PIK3C2G: variants seen among roughly 807,000 people sequenced by gnomAD.
PIK3C2G encodes the protein phosphatidylinositol-4-phosphate 3-kinase catalytic subunit type 2 gamma, also known as phosphatidylinositol 3-kinase C2 domain-containing subunit gamma.
PIK3C2G carries 168 observed loss-of-function variants against 181.1 expected under a neutral mutation model. The ratio of observed to expected loss-of-function variants is 0.93; its 90% CI spans 0.82 to 1.05. The LOEUF is 1.05. Ranked by LOEUF, PIK3C2G falls within the 50% of genes least tolerant of loss-of-function variation. PIK3C2G has a pLI of 0.00. For synonymous variants in PIK3C2G, 573 were observed against 592.2 expected (o/e 0.97, Z 0.47); for missense variants, 1,869 against 1,732.8 (o/e 1.08, Z -1.40).
At chr12:18,276,917 T>A (rs369286164) in intron 1 of PIK3C2G, among the ~76,000 whole-genome samples, 7 of 152,192 alleles carry the variant, frequency 4.6e-5, no homozygotes, top group African/African-American at 1.7e-4. Flanking sequence ...GGCAGTTTAA[T>A]GGGAAGTGAA....
At chr12:18,709,411 T>G in the PIK3C2G span, among the ~76,000 whole-genome samples, 10 of 152,316 alleles carry the variant, frequency 6.6e-5, no homozygotes, top group African/African-American at 2.4e-4. Flanking sequence ...GCTGTATTGA[T>G]TACTATAGCT....
chr12:18,634,224 G>A (rs1949489615), intron 31 of PIK3C2G, among the ~76,000 whole-genome samples: 1 of 152,148 alleles, frequency 6.6e-6, no homozygotes, highest in Non-Finnish European at 1.5e-5. Context: ...TTGCTGTGAT[G>A]TGAGTCCCAT....
At chr12:18,684,075 A>G in the PIK3C2G span, 1 of 1,584,800 alleles carries the variant, frequency 6.3e-7, no homozygotes, top group Non-Finnish European at 8.6e-7. Context: ...TGTCTTTGAT[A>G]TACACAAGTT....
chr12:18,438,595 T>C (rs1565723055), intron 18 of PIK3C2G, among the ~76,000 whole-genome samples: 1 of 151,918 alleles, frequency 6.6e-6, no homozygotes, highest in Non-Finnish European at 1.5e-5. Context: ...TACTCAGAGA[T>C]GCTAGGTATA....
intron 26 of PIK3C2G, among the ~76,000 whole-genome samples, chr12:18,552,776 GAT>G (rs1215099464): frequency 1.3e-5 from 2 of 152,178 alleles, no homozygotes; most frequent in African/African-American, 4.8e-5. Flanking sequence ...TATGATGTTT[GAT>G]AGTGTGCTTG....
At chr12:18,351,862 T>C (rs1159136319) in intron 11 of PIK3C2G, among the ~76,000 whole-genome samples, 1 of 152,182 alleles carries the variant, frequency 6.6e-6, no homozygotes, top group South Asian at 2.1e-4. Flanking sequence ...GACAACCACC[T>C]ACAGTCTTCA....
At chr12:18,688,691 GGGT>G in the PIK3C2G span, among the ~76,000 whole-genome samples, 1 of 151,796 alleles carries the variant, frequency 6.6e-6, no homozygotes, top group Non-Finnish European at 1.5e-5. Context: ...ATTAGGGACT[GGGT>G]ATCAAAAAAA....
chr12:18,531,911 G>A (rs1031113389), intron 24 of PIK3C2G, among the ~76,000 whole-genome samples: 1 of 152,130 alleles, frequency 6.6e-6, no homozygotes, highest in Non-Finnish European at 1.5e-5. Context: ...TTTCTGGGTT[G>A]TATGGTAGTT....
intron 24 of PIK3C2G, among the ~76,000 whole-genome samples, chr12:18,510,576 G>T (rs564825414): frequency 1.3e-5 from 2 of 151,982 alleles, no homozygotes; most frequent in South Asian, 2.1e-4. Flanking sequence ...ATGGCCTTTC[G>T]CTTTGCTGAT....
intron 32 of PIK3C2G, among the ~76,000 whole-genome samples, chr12:18,645,906 T>G (rs1446675892): frequency 6.6e-6 from 1 of 152,180 alleles, no homozygotes; most frequent in Non-Finnish European, 1.5e-5. Context: ...AGTCACACTT[T>G]GAGGGTTCCT....
chr12:18,310,999 G>T (rs2137380827), intron 5 of PIK3C2G, among the ~76,000 whole-genome samples: 1 of 151,886 alleles, frequency 6.6e-6, no homozygotes, highest in Non-Finnish European at 1.5e-5. Context: ...CTTGGTAATT[G>T]TTTTTCCAGA....
chr12:18,726,126 A>C, the PIK3C2G span, among the ~76,000 whole-genome samples: 1 of 152,174 alleles, frequency 6.6e-6, no homozygotes, highest in Non-Finnish European at 1.5e-5. Context: ...AAATAAGTGC[A>C]TTTAGACAAT....
chr12:18,533,376 TC>T (rs1199811142), intron 24 of PIK3C2G, among the ~76,000 whole-genome samples: 6 of 152,286 alleles, frequency 3.9e-5, no homozygotes, highest in African/African-American at 1.4e-4. Flanking sequence ...TCTTGGCACC[TC>T]TTCTCCCTCT....
chr12:18,243,194 C>CTGTGTGTGTGTGTG (rs71440357), upstream of PIK3C2G, among the ~76,000 whole-genome samples: 14 of 148,224 alleles, frequency 9.4e-5, no homozygotes, highest in African/African-American at 3.5e-4. Flanking sequence ...TAAAGTCTTT[C>CTGTGTGTGTGTGTG]TGTGTGTGTG....
At chr12:18,711,550 A>G in the PIK3C2G span, among the ~76,000 whole-genome samples, 2 of 149,734 alleles carry the variant, frequency 1.3e-5, no homozygotes, top group Non-Finnish European at 3.0e-5. Flanking sequence ...TAATAATAAT[A>G]ATAATAATAA....
chr12:18,539,766 T>C (rs1285108668), intron 25 of PIK3C2G, among the ~76,000 whole-genome samples: 1 of 151,924 alleles, frequency 6.6e-6, no homozygotes, highest in African/African-American at 2.4e-5. Context: ...CACTTTGCCT[T>C]GAAAGATAAG....
intron 18 of PIK3C2G, among the ~76,000 whole-genome samples, chr12:18,437,058 G>A (rs1317414824): frequency 6.6e-6 from 1 of 151,804 alleles, no homozygotes. Flanking sequence ...GATTTTTTCT[G>A]GCTTCTCTAT....
At chr12:18,290,661 T>C (rs1409437106) in intron 3 of PIK3C2G, among the ~76,000 whole-genome samples, 194 bp from the exon 4 acceptor site, 1 of 152,186 alleles carries the variant, frequency 6.6e-6, no homozygotes, top group African/African-American at 2.4e-5. Flanking sequence ...GTTTTTGGTA[T>C]AATTGCAATC....
At chr12:18,631,257 G>A (rs1433575047) in intron 31 of PIK3C2G, among the ~76,000 whole-genome samples, 1 of 152,142 alleles carries the variant, frequency 6.6e-6, no homozygotes, top group Non-Finnish European at 1.5e-5. Context: ...AAAAATCAAT[G>A]TCTGTGTTTT....
Sources: gnomAD v4.1 joint callset for allele counts (sites outside exome capture counted in the v4.1 genomes callset) on GRCh38, gnomAD v4.1.1 for gene constraint, MANE v1.5 for transcripts, NCBI Gene and HGNC (gene_info 2026-07-23, HGNC 2026-07-21) for gene names.